Variants in LRRK2 observed in about 807,000 individuals in gnomAD.
The protein encoded by LRRK2 is leucine rich repeat kinase 2.
In LRRK2, 203 loss-of-function variants were observed where a neutral mutation model predicts 302.6. The ratio of observed to expected loss-of-function variants is 0.67; its 90% confidence interval spans 0.60 to 0.75. LRRK2 has a LOEUF of 0.75. LRRK2 is among the 30% of genes least tolerant of loss of function. LRRK2 has a pLI of 0.00. For missense variants in LRRK2, 2,830 were observed against 2,951.0 expected (o/e 0.96, Z 0.95); for synonymous variants, 1,066 against 1,031.9 (o/e 1.03, Z -0.63).
intron 14 of LRRK2, among the ~76,000 whole-genome samples, chr12:40,270,000 A>G (rs1029269843): frequency 2.6e-5 from 4 of 152,140 alleles, no homozygotes; most frequent in Non-Finnish European, 4.4e-5. Context: ...CCTACAGACT[A>G]TGCACCCTGG....
intron 19 of LRRK2, among the ~76,000 whole-genome samples, chr12:40,286,076 GATTT>G (rs1305089620): frequency 6.6e-6 from 1 of 151,838 alleles, no homozygotes; most frequent in Non-Finnish European, 1.5e-5. Context: ...GACAGAGGGA[GATTT>G]ATCATTCACT....
At position 40,300,882 on chromosome 12, in the gene LRRK2, C is replaced by G. The variant is rs17491075; in HGVS notation, c.3496+1625C>G. 4.7e-3 allele frequency: 2,216 copies of G among 471,078 alleles called. 47 individuals carry two copies. Among genetic ancestry groups the G allele is most frequent in the African/African-American group, 0.041 (2,043 of 50,146 alleles). 29.2% of individuals were successfully genotyped at this position (471,078 alleles called of 1,614,324 possible). On this transcript the variant is annotated intron_variant, in intron 25 of 50. Coordinates refer to ENST00000298910, the MANE Select transcript of LRRK2 (RefSeq NM_198578.4). ...GTGGAGTCAGGAAAGCATTTCTGTG[C>G]CTGTGACATTTAAGTTGGGTCTGGA...
rs1473527925 is a variant in LRRK2, at chr12:40,304,121, A to G, written c.3764A>G (p.Asn1255Ser). Reference protein sequence around the residue: ...SRVEKLHLSHNKLKEIPPEIG... With the variant: ...SRVEKLHLSHSKLKEIPPEIG... ...GTAGAGAAACTGCATCTTTCTCACA[A>G]TAAACTGAAAGAGGTAAGACGATTA... The change falls in exon 27 of 51, where the codon AAT (asparagine) becomes AGT (serine). Residue 1255 changes from asparagine to serine, a missense_variant. Physicochemically the swap from Asn to Ser is conservative, Grantham distance 46. Around this residue, in one of 3 missense-constraint regions of LRRK2, gnomAD observed 2,121 missense variants for 2,148.0 expected, o/e 0.99. Coordinates refer to ENST00000298910, the MANE Select transcript of LRRK2 (RefSeq NM_198578.4). 1.2e-6 allele frequency: 2 copies of G among 1,613,064 alleles called. No individual in the cohort carries two copies. The highest frequency in any genetic ancestry group is 2.2e-5 in the East Asian group (1 of 44,846).
intron 46 of LRRK2, among the ~76,000 whole-genome samples, chr12:40,356,440 A>G (rs139572320): frequency 6.6e-6 from 1 of 152,342 alleles, no homozygotes; most frequent in African/African-American, 2.4e-5. Context: ...GGGAATGGAA[A>G]TAATTCAATT....
chr12:40,285,141 C>G (rs1565712379), intron 19 of LRRK2, among the ~76,000 whole-genome samples: 2 of 152,112 alleles, frequency 1.3e-5, no homozygotes, highest in South Asian at 4.1e-4. Flanking sequence ...GCTCTAAATT[C>G]TCTCTTCACC....
chr12:40,258,603 C>T (rs903847638), intron 12 of LRRK2, among the ~76,000 whole-genome samples: 1 of 152,056 alleles, frequency 6.6e-6, no homozygotes, highest in Non-Finnish European at 1.5e-5. Flanking sequence ...GTGTGTCTGC[C>T]CCTACAGAAC....
At chr12:40,247,506 A>AT (rs977651082) in intron 7 of LRRK2, among the ~76,000 whole-genome samples, 1 of 65,824 alleles carries the variant, frequency 1.5e-5, no homozygotes, top group Non-Finnish European at 3.2e-5. Context: ...ATATTTACAC[A>AT]TGTATATAAA....
At position 40,363,538 on chromosome 12, in the gene LRRK2, T is replaced by A; in HGVS notation, c.7165T>A (p.Cys2389Ser). Residue 2389 changes from cysteine (C) to serine (S), a missense_variant, in exon 48 of 51, where the codon TGC becomes AGC. Around this residue, in one of 3 missense-constraint regions of LRRK2, gnomAD observed 456 missense variants for 456.3 expected, o/e 1.00. Coordinates refer to ENST00000298910, the MANE Select transcript of LRRK2 (RefSeq NM_198578.4). Reference protein sequence around the residue: ...KTEKLCGLIDCVHFLREVMVK... With the variant: ...KTEKLCGLIDSVHFLREVMVK... ...TGAAAAACTCTGTGGACTAATAGACTGCGTGCACTTTTTAAGGTAAATTCT... is the reference window on the plus strand; with the variant it reads ...TGAAAAACTCTGTGGACTAATAGACAGCGTGCACTTTTTAAGGTAAATTCT... The A allele has an allele frequency of 6.2e-7, 1 of 1,611,654 alleles. No homozygotes were observed. The highest frequency in any genetic ancestry group is 8.5e-7 in the Non-Finnish European group (1 of 1,178,418).
In LRRK2 at chr12:40,299,136, C is replaced by T; in HGVS notation, c.3375C>T (p.Pro1125=). 2 of 1,613,172 alleles carry T rather than the reference C, an allele frequency of 1.2e-6. No homozygotes were observed. The highest frequency in any genetic ancestry group is 1.7e-6 in the Non-Finnish European group (2 of 1,179,650). The part of the protein sequence containing the change: ...EGNKISGICS[P]LRLKELKILN... ...ATAAAATATCAGGGATATGCTCCCC[C>T]TTGAGACTGAAGGAACTGAAGATTT... The change falls in exon 25 of 51, where the codon CCC becomes CCT. Residue 1125 remains proline, a synonymous_variant. Transcript: ENST00000298910.
intron 11 of LRRK2, among the ~76,000 whole-genome samples, chr12:40,256,490 A>G (rs770683354): frequency 2.0e-5 from 3 of 152,122 alleles, no homozygotes; most frequent in African/African-American, 7.2e-5. Flanking sequence ...TTCCTTAATC[A>G]TTATTGCTGG....
Position 40,274,587 on chromosome 12 carries a change from T to C in LRRK2, c.1661T>C (p.Ile554Thr), listed in dbSNP as rs149499327. The C allele has an allele frequency of 1.9e-6, 3 of 1,613,654 alleles. No individual in the cohort carries two copies. The highest frequency in any genetic ancestry group is 2.2e-5 in the South Asian group (2 of 91,082). Residue 554 changes from isoleucine (I) to threonine (T), a missense_variant, in exon 15 of 51, where the codon ATT becomes ACT. Physicochemically the swap from Ile to Thr is moderately conservative, Grantham distance 89. Around this residue, in one of 3 missense-constraint regions of LRRK2, gnomAD observed 2,121 missense variants for 2,148.0 expected, o/e 0.99. Coordinates refer to ENST00000298910, the MANE Select transcript of LRRK2 (RefSeq NM_198578.4). Reference protein sequence around the residue: ...KLVLAALNRFIGNPGIQKCGL... With the variant: ...KLVLAALNRFTGNPGIQKCGL... Reference sequence around the variant, plus strand: ...CGAGTATTCTTTTGATTTTAGTTCATTGGAAATCCTGGGATTCAGAAATGT... The same window carrying C: ...CGAGTATTCTTTTGATTTTAGTTCACTGGAAATCCTGGGATTCAGAAATGT...
chr12:40,240,436 T>C lies in LRRK2; in HGVS notation c.572-47T>C, dbSNP rs750117296. On this transcript the variant is annotated intron_variant, in intron 5 of 50. Transcript: ENST00000298910. Reference sequence around the variant, plus strand: ...TTGTAATTTTTGAATAATTAAACTTTCATATCATCTTTAAGCTTATTCAGT... The same window carrying C: ...TTGTAATTTTTGAATAATTAAACTTCCATATCATCTTTAAGCTTATTCAGT... The C allele has an allele frequency of 7.7e-6, 12 of 1,558,600 alleles. No homozygotes were observed. In the African/African-American group the frequency reaches 1.6e-4, roughly 21 times the overall value.
intron 46 of LRRK2, 90 bp from the exon 47 acceptor site, chr12:40,359,170 A>T: frequency 9.4e-7 from 1 of 1,058,210 alleles, no homozygotes; most frequent in Non-Finnish European, 1.4e-6. Flanking sequence ...TTTAAGATGG[A>T]AAGTAGTTTT....
intron 41 of LRRK2, among the ~76,000 whole-genome samples, chr12:40,341,846 A>T (rs560901412): frequency 6.6e-6 from 1 of 152,340 alleles, no homozygotes; most frequent in Admixed American, 6.5e-5. Flanking sequence ...AGCTTATTTA[A>T]TCTTCACTAT....
chr12:40,361,656 C>A (rs1259133896), intron 47 of LRRK2, among the ~76,000 whole-genome samples: 1 of 152,064 alleles, frequency 6.6e-6, no homozygotes, highest in African/African-American at 2.4e-5. Flanking sequence ...AGCATAGATG[C>A]TTTACTAGAG....
chr12:40,363,596 C>T, intron 48 of LRRK2, 42 bp downstream of exon 48: 1 of 1,594,302 alleles, frequency 6.3e-7, no homozygotes, highest in Non-Finnish European at 8.6e-7. Context: ...AAAGAATTAT[C>T]TTTGCACTTC....
chr12:40,280,378 C>T (rs1943636560), intron 18 of LRRK2, among the ~76,000 whole-genome samples: 1 of 152,032 alleles, frequency 6.6e-6, no homozygotes, highest in Admixed American at 6.6e-5. Flanking sequence ...AATCCCAGGG[C>T]TTTGGGAAGT....
chr12:40,288,851 CAT>C (rs1190138068), intron 20 of LRRK2, among the ~76,000 whole-genome samples: 2 of 151,808 alleles, frequency 1.3e-5, no homozygotes, highest in East Asian at 3.9e-4. Flanking sequence ...TTTTCCCAGT[CAT>C]AGCTTGTCTT....
In LRRK2 at chr12:40,241,137, G is replaced by C. The variant is rs144761313; in HGVS notation, c.706+520G>C. On this transcript the variant is annotated intron_variant, in intron 6 of 50. Transcript: ENST00000298910. ...AAAAGTAGCTCAGTAAAGGTGTGGG[G>C]TTATGAGTGTGCGTGCATGCATGCG... Among the ~76,000 whole-genome samples the C allele has an allele frequency of 1.0e-3, 153 of 152,326 alleles. 4 individuals are homozygous for C. In the East Asian group the frequency reaches 0.028, roughly 28 times the overall value.
Sources: gnomAD v4.1 joint callset for allele counts (sites outside exome capture counted in the v4.1 genomes callset) on GRCh38, gnomAD v4.1.1 for gene constraint, gnomAD v4.1.1 regional missense constraint, MANE v1.5 for transcripts, NCBI Gene and HGNC (gene_info 2026-07-23, HGNC 2026-07-21) for gene names.